PARP4: variants seen among roughly 807,000 people sequenced by gnomAD.
PARP4 encodes the protein poly(ADP-ribose) polymerase family member 4.
Under a neutral mutation model 187.7 loss-of-function variants are expected in PARP4, and 120 were observed. The ratio of observed to expected loss-of-function variants is 0.64; its 90% CI spans 0.55 to 0.74. The LOEUF is 0.74. Among genes scored for constraint, PARP4 ranks in the 30% least tolerant of loss-of-function variants. The pLI is 0.00. For missense variants in PARP4, 1,836 were observed against 2,070.5 expected (o/e 0.89, Z 2.20); for synonymous variants, 654 against 740.9 (o/e 0.88, Z 1.90).
At position 24,501,768 on chromosome 13, in the gene PARP4, T is replaced by G; in HGVS notation, c.199A>C (p.Asn67His). 4 of 1,612,796 alleles carry G rather than the reference T, an allele frequency of 2.5e-6. No individual in the cohort carries two copies. Among genetic ancestry groups the G allele is most frequent in the Non-Finnish European group, 3.4e-6 (4 of 1,178,780 alleles). The change falls in exon 3 of 34, where the codon AAC (asparagine) becomes CAC (histidine). Residue 67 changes from asparagine (N) to histidine (H), a missense_variant. Around this residue, in one of 8 missense-constraint regions of PARP4, gnomAD observed 1,147 missense variants for 1,214.2 expected, o/e 0.94. Coordinates refer to ENST00000381989, the MANE Select transcript of PARP4 (RefSeq NM_006437.4). ...SQYQLNSIQK[N>H]HVHIANPDFI... Reference sequence around the variant, plus strand: ...TCTGGGTTTGCAATATGAACGTGGTTCTTTTGGATAGAATTCAGTTGGTAC... The same window carrying G: ...TCTGGGTTTGCAATATGAACGTGGTGCTTTTGGATAGAATTCAGTTGGTAC...
At chr13:24,491,213 T>C (rs1392997107) in intron 9 of PARP4, among the ~76,000 whole-genome samples, 1 of 152,000 alleles carries the variant, frequency 6.6e-6, no homozygotes, top group Non-Finnish European at 1.5e-5. Flanking sequence ...CTCTGCCTCC[T>C]GGGTTCAAGC....
Position 24,436,764 on chromosome 13 carries a change from A to T in PARP4, c.3667-1290T>A, listed in dbSNP as rs78237331. ...AGTTGCATGTATAAAATCCAGTTTT[A>T]TATGCATGTCAAGTCCTTGATATTT... is the stretch of plus-strand genomic sequence containing the variant. On this transcript the variant is annotated intron_variant, in intron 30 of 33. Transcript: ENST00000381989. 3.7e-3 allele frequency among the ~76,000 whole-genome samples: 569 copies of T among 152,360 alleles called. 1 individual carries two copies. The highest frequency in any genetic ancestry group is 0.01 in the Middle Eastern group (3 of 294).
chr13:24,443,763 C>T, intron 27 of PARP4, 33 bp from the exon 28 acceptor site: 4 of 1,424,868 alleles, frequency 2.8e-6, no homozygotes, highest in Non-Finnish European at 3.0e-6. Context: ...AAAAAATATT[C>T]ACATGGCTTC....
chr13:24,489,580 G>T (rs1306117045), intron 10 of PARP4, among the ~76,000 whole-genome samples: 1 of 152,186 alleles, frequency 6.6e-6, no homozygotes, highest in Non-Finnish European at 1.5e-5. Context: ...CTGCACTCCA[G>T]CCTGGGCGAC....
chr13:24,486,073 C>A (rs1232449619), intron 11 of PARP4, 95 bp downstream of exon 11: 10 of 1,068,850 alleles, frequency 9.4e-6, no homozygotes, highest in Non-Finnish European at 1.4e-5. Context: ...ACTGAAAAGA[C>A]TCACGTAATA....
intron 12 of PARP4, among the ~76,000 whole-genome samples, chr13:24,479,495 A>T (rs1365741651): frequency 6.6e-6 from 1 of 151,960 alleles, no homozygotes; most frequent in Non-Finnish European, 1.5e-5. Flanking sequence ...GATTGTAAAC[A>T]CACCAATCAG....
intron 12 of PARP4, among the ~76,000 whole-genome samples, chr13:24,479,267 A>G (rs1037628501): frequency 2.0e-5 from 3 of 152,148 alleles, no homozygotes; most frequent in African/African-American, 7.2e-5. Context: ...CTGAAAAAAA[A>G]AATCAGTTCC....
intron 14 of PARP4, 93 bp downstream of exon 14, chr13:24,477,608 A>G (rs968073813): frequency 3.9e-6 from 3 of 770,976 alleles, no homozygotes; most frequent in South Asian, 1.6e-5. Flanking sequence ...GGTCATAGAT[A>G]TAACAAATGC....
In PARP4 at chr13:24,488,800, C is replaced by A. The variant is rs1868464663; in HGVS notation, c.1214+1868G>T. Among the ~76,000 whole-genome samples, 3 of 152,196 alleles carry A rather than the reference C, an allele frequency of 2.0e-5. No individual in the cohort carries two copies. The South Asian group carries it at 6.2e-4, about 32-fold the overall frequency. ...AATTTTTATTTGCCCAAAAGAAAAC[C>A]CCGTACCTTTTGGCTGTCAGTCCCC... On this transcript the variant is annotated intron_variant, in intron 10 of 33. Transcript: ENST00000381989.
intron 1 of PARP4, among the ~76,000 whole-genome samples, chr13:24,508,132 T>G (rs989867023): frequency 6.6e-6 from 1 of 152,140 alleles, no homozygotes. Flanking sequence ...TACACCACAC[T>G]ATTTAGGTTA....
chr13:24,430,452 A>G (rs1408078496), intron 32 of PARP4, among the ~76,000 whole-genome samples: 1 of 152,118 alleles, frequency 6.6e-6, no homozygotes, highest in East Asian at 1.9e-4. Flanking sequence ...CACAAGTTCG[A>G]GACCACACTG....
intron 17 of PARP4, among the ~76,000 whole-genome samples, chr13:24,464,118 C>A (rs866066632): frequency 6.6e-6 from 1 of 152,078 alleles, no homozygotes; most frequent in African/African-American, 2.4e-5. Context: ...TCAAGGAGAA[C>A]TATAAACCAC....
intron 20 of PARP4, 91 bp from the exon 21 acceptor site, chr13:24,456,569 A>G: frequency 8.9e-7 from 1 of 1,122,594 alleles, no homozygotes; most frequent in Admixed American, 2.5e-5. Context: ...AAACCCTTGC[A>G]TAGCTTACAT....
chr13:24,439,171 C>T (rs1593593075), intron 30 of PARP4, among the ~76,000 whole-genome samples: 1 of 151,906 alleles, frequency 6.6e-6, no homozygotes, highest in East Asian at 1.9e-4. Context: ...TCAAAAATTT[C>T]TATAAACAGG....
rs1405567643 is a variant in PARP4, at chr13:24,494,566, A to G, written c.741+7T>C. On this transcript the variant is annotated splice_region_variant and intron_variant, in intron 7 of 33. Transcript: ENST00000381989. ...TCAACAACAAAAAAATTATAAATCA[A>G]TCTCACTGCTTGCAATTGTTCAGAT... 1.3e-6 allele frequency: 2 copies of G among 1,598,056 alleles called. No homozygotes were observed.
At chr13:24,469,235 A>C in intron 16 of PARP4, 125 bp from the exon 17 acceptor site, 1 of 648,522 alleles carries the variant, frequency 1.5e-6, no homozygotes, top group Non-Finnish European at 2.7e-6. Flanking sequence ...AGGTGAATGG[A>C]AACTTAAATG....
chr13:24,501,689 T>G lies in PARP4; in HGVS notation c.278A>C (p.Asp93Ala). The G allele has an allele frequency of 6.2e-7, 1 of 1,613,486 alleles. No homozygotes were observed. Among genetic ancestry groups the G allele is most frequent in the Non-Finnish European group, 8.5e-7 (1 of 1,179,554 alleles). ...TGTGATGTCCAGGGGCTTATAAGGA[T>G]CATAATTCTTTACATCCAAGAGTCT... Reference protein sequence around the residue: ...EKRLLDVKNYDPYKPLDITPP... With the variant: ...EKRLLDVKNYAPYKPLDITPP... Residue 93 changes from aspartate (D) to alanine (A), a missense_variant, in exon 3 of 34, where the codon GAT becomes GCT. Transcript: ENST00000381989.
At chr13:24,461,603 T>C (rs750390) in intron 17 of PARP4, among the ~76,000 whole-genome samples, 80,487 of 151,950 alleles carry the variant, frequency 0.53, 21,412 homozygotes, top group South Asian at 0.65. Flanking sequence ...TGCATTCTCT[T>C]GCAGGCGTTT....
At chr13:24,459,144 T>G (rs776722847) in intron 19 of PARP4, 22 bp from the exon 20 acceptor site, 4 of 1,589,420 alleles carry the variant, frequency 2.5e-6, no homozygotes, top group Non-Finnish European at 3.4e-6. Context: ...GAAGAGAAAG[T>G]TGTCTTAGTC....
Sources: allele counts gnomAD v4.1 joint callset (sites outside exome capture counted in the v4.1 genomes callset), GRCh38; gene constraint gnomAD v4.1.1; regional missense constraint gnomAD v4.1.1; transcripts MANE v1.5; gene names NCBI Gene and HGNC (gene_info 2026-07-23, HGNC 2026-07-21).